Variants in TYMP observed in about 807,000 individuals in gnomAD.
TYMP encodes the protein thymidine phosphorylase.
TYMP carries 46 observed loss-of-function variants against 42.3 expected under a neutral mutation model. The ratio of observed to expected loss-of-function variants is 1.09; its 90% confidence interval spans 0.86 to 1.39. The LOEUF is 1.39. Among genes scored for constraint, TYMP ranks in the 40% most tolerant of loss-of-function variants. TYMP has a pLI of 0.00. For synonymous variants in TYMP, 363 were observed against 308.0 expected (o/e 1.18, Z -1.87); for missense variants, 837 against 677.6 (o/e 1.24, Z -2.61).
In TYMP at chr22:50,526,146, G is replaced by A. The variant is rs1209454912; in HGVS notation, c.1160-5C>T. On this transcript the variant is annotated splice_region_variant and splice_polypyrimidine_tract_variant and intron_variant, in intron 8 of 9. Transcript: ENST00000252029. ...CCCGGACCAGCTCCACGGTGCCTGC[G>A]GGGAGAGGGGCTGAGAGGCGCGGGC... 2.0e-6 allele frequency: 3 copies of A among 1,482,460 alleles called. 1 individual carries two copies. The highest frequency in any genetic ancestry group is 2.8e-5 in the East Asian group (1 of 35,750). The allele number at this position is 1,482,460 out of a possible 1,614,324, so 91.8% of individuals were successfully genotyped here. A position where few individuals can be genotyped will look rare whatever the true frequency, so the allele number is the denominator to read the frequency against.
Position 50,526,039 on chromosome 22 carries a change from G to T in TYMP, c.1262C>A (p.Ala421Glu). The change falls in exon 9 of 10, where the codon GCA (alanine) becomes GAA (glutamate). Residue 421 changes from alanine to glutamate, a missense_variant. By Grantham distance (107) the Ala-to-Glu change is moderately radical (BLOSUM62 -1). Coordinates refer to ENST00000252029, the MANE Select transcript of TYMP (RefSeq NM_001953.5). ...AGEPLRLGVG[A>E]ELLVDVGQRL... The stretch of plus-strand genomic sequence containing the variant: ...CTGACCCACGTCGACCAGCAGCTCT[G>T]CGCCCACCCCCAGGCGGAGCGGCTC... 1 of 1,479,180 alleles carries T rather than the reference G, an allele frequency of 6.8e-7. No individual in the cohort carries two copies. Among genetic ancestry groups the T allele is most frequent in the Non-Finnish European group, 8.9e-7 (1 of 1,122,450 alleles). The allele number at this position is 1,479,180 out of a possible 1,614,324, so 91.6% of individuals were successfully genotyped here.
rs754924121 is a variant in TYMP at position 50,525,892 on chromosome 22, C to T, written c.1327G>A (p.Asp443Asn). The change falls in exon 10 of 10, where the codon GAC (aspartate) becomes AAC (asparagine). Residue 443 changes from aspartate to asparagine, a missense_variant. By Grantham distance (23) the Asp-to-Asn change is conservative. Transcript: ENST00000252029. ...TGCGGGCCGCTGAGCGCGGGGCCGTCCCGGTGCACGCGGAGCCAGGGGGTC... is the reference window on the plus strand; with the variant it reads ...TGCGGGCCGCTGAGCGCGGGGCCGTTCCGGTGCACGCGGAGCCAGGGGGTC... ...RGTPWLRVHR[D>N]GPALSGPQSR... 7.0e-6 allele frequency: 11 copies of T among 1,570,052 alleles called. No individual in the cohort carries two copies. The highest frequency in any genetic ancestry group is 2.8e-5 in the African/African-American group (2 of 72,604).
In TYMP at chr22:50,526,235, C is replaced by T. The variant is rs747478170; in HGVS notation, c.1159+11G>A. 47 of 1,530,026 alleles carry T rather than the reference C, an allele frequency of 3.1e-5. 2 individuals are homozygous for T. In the South Asian group the frequency reaches 4.0e-4, roughly 13 times the overall value. 94.8% of individuals were successfully genotyped at this position (1,530,026 alleles called of 1,614,324 possible). On this transcript the variant is annotated intron_variant, in intron 8 of 9. Transcript: ENST00000252029. ...CGGAGGCGGAAGGACGGGGACTCCC[C>T]CGACGCTCACCATCTGCGGGCGCCA...
At chr22:50,527,329 C>T (rs1240801594) in intron 5 of TYMP, 46 bp from the exon 6 acceptor site, 1 of 1,521,294 alleles carries the variant, frequency 6.6e-7, no homozygotes, top group Admixed American at 1.7e-5. Flanking sequence ...GAACCTGGAG[C>T]TTCTTGGGAG....
chr22:50,526,192 G>A, intron 8 of TYMP, 51 bp from the exon 9 acceptor site: 1 of 1,478,990 alleles, frequency 6.8e-7, no homozygotes, highest in Non-Finnish European at 8.9e-7. Flanking sequence ...GCGGGGCCTC[G>A]GGAAGGGAAG....
rs776611679 is a variant in TYMP at position 50,527,677 on chromosome 22, C to T, written c.557G>A (p.Gly186Asp). 8.1e-6 allele frequency: 13 copies of T among 1,613,944 alleles called. No individual in the cohort carries two copies. Among genetic ancestry groups the T allele is most frequent in the Non-Finnish European group, 1.1e-5 (13 of 1,180,030 alleles). Residue 186 changes from glycine (G) to aspartate (D), a missense_variant, in exon 5 of 10, where the codon GGT (glycine) becomes GAT (aspartate). Transcript: ENST00000252029. ...LLDQAGCCIV[G>D]QSEQLVPADG... Reference sequence around the variant, plus strand: ...CGCAGGAACCAGCTGCTCACTCTGACCCACGATACAGCAGCCCGCCTGGTC... The same window carrying T: ...CGCAGGAACCAGCTGCTCACTCTGATCCACGATACAGCAGCCCGCCTGGTC...
In TYMP at chr22:50,526,714, G is replaced by T; in HGVS notation, c.790C>A (p.Leu264Ile). The T allele has an allele frequency of 1.3e-6, 2 of 1,538,656 alleles. No individual in the cohort carries two copies. Among genetic ancestry groups the T allele is most frequent in the Non-Finnish European group, 1.7e-6 (2 of 1,147,136 alleles). Residue 264 changes from leucine (L) to isoleucine (I), a missense_variant, in exon 7 of 10, where the codon CTT becomes ATT. Transcript: ENST00000252029. Reference protein sequence around the residue: ...TLVGVGASLGLRVAAALTAMD... With the variant: ...TLVGVGASLGIRVAAALTAMD... ...GCGGTCAGCGCTGCCGCGACCCGAA[G>T]CCCTAGGCTGGCTCCCACGCCAACC...
chr22:50,527,288 G>A lies in TYMP; in HGVS notation c.647-5C>T, dbSNP rs760886129. 1 of 1,607,132 alleles carries A rather than the reference G, an allele frequency of 6.2e-7. No individual in the cohort carries two copies. Reference sequence around the variant, plus strand: ...GTTTCTTACTGAGAATGGAGGCTTTGGGGGAGGCAGAGGAGGTTGGAGACA... The same window carrying A: ...GTTTCTTACTGAGAATGGAGGCTTTAGGGGAGGCAGAGGAGGTTGGAGACA... On this transcript the variant is annotated splice_polypyrimidine_tract_variant and splice_region_variant and intron_variant, in intron 5 of 9. Coordinates refer to ENST00000252029, the MANE Select transcript of TYMP (RefSeq NM_001953.5).
chr22:50,527,478 A>G, intron 5 of TYMP, 110 bp downstream of exon 5: 1 of 1,540,522 alleles, frequency 6.5e-7, no homozygotes, highest in Non-Finnish European at 9.0e-7. Context: ...TGATGGGGGT[A>G]GGGGGGCACA....
chr22:50,529,165 C>G lies in TYMP; in HGVS notation c.388G>C (p.Ala130Pro), dbSNP rs1055509931. 1.2e-6 allele frequency: 2 copies of G among 1,613,202 alleles called. No individual in the cohort carries two copies. The highest frequency in any genetic ancestry group is 1.3e-5 in the African/African-American group (1 of 75,038). ...CAGCCACATGCCGCCAGGGCAGGTGCGAGGACCAGGCTGACCTTGTCACCC... is the reference window on the plus strand; with the variant it reads ...CAGCCACATGCCGCCAGGGCAGGTGGGAGGACCAGGCTGACCTTGTCACCC... Reference protein sequence around the residue: ...GVGDKVSLVLAPALAACGCKV... With the variant: ...GVGDKVSLVLPPALAACGCKV... The change falls in exon 3 of 10, where the codon GCA becomes CCA. Residue 130 changes from alanine to proline, a missense_variant. Ala to Pro is a conservative substitution (Grantham distance 27). Coordinates refer to ENST00000252029, the MANE Select transcript of TYMP (RefSeq NM_001953.5).
intron 4 of TYMP, chr22:50,528,299 C>A: frequency 1.6e-6 from 1 of 626,618 alleles, no homozygotes. Flanking sequence ...GCCACCGTGC[C>A]CCGCCAGCCA....
rs764518504 is a variant in TYMP, at chr22:50,525,961, G to C, written c.1300+40C>G. The C allele has an allele frequency of 3.1e-5, 43 of 1,395,214 alleles. No homozygotes were observed. The East Asian group carries it at 1.3e-3, about 41-fold the overall frequency. The allele number at this position is 1,395,214 out of a possible 1,614,324, so 86.4% of individuals were successfully genotyped here. A position where few individuals can be genotyped will look rare whatever the true frequency, so the allele number is the denominator to read the frequency against. On this transcript the variant is annotated intron_variant, in intron 9 of 9. Transcript: ENST00000252029. ...GTTAGAGGCCGCGCGGCCGGAGCTGGGCGGGGGTGCGGGGCCAGCAGGGCG... is the reference window on the plus strand; with the variant it reads ...GTTAGAGGCCGCGCGGCCGGAGCTGCGCGGGGGTGCGGGGCCAGCAGGGCG...
intron 4 of TYMP, chr22:50,528,204 C>CTT (rs2069465803): frequency 6.6e-6 from 3 of 451,592 alleles, no homozygotes; most frequent in Non-Finnish European, 1.2e-5. Context: ...GGGGTTTTGC[C>CTT]GTGTTATCCA....
chr22:50,526,209 G>A (rs1291903074), intron 8 of TYMP, 37 bp downstream of exon 8: 2 of 1,495,496 alleles, frequency 1.3e-6, no homozygotes, highest in African/African-American at 1.4e-5. Context: ...GAAGGGGATG[G>A]CGGAGGCGGA....
Position 50,529,949 on chromosome 22 carries a change from A to G in TYMP, c.-56T>C, listed in dbSNP as rs1025395522. Reference sequence around the variant, plus strand: ...GCCCGCTTGCTCCGGATCCCAGCCCAGGTACCCGGCCTCGCCCGCGGGTCG... The same window carrying G: ...GCCCGCTTGCTCCGGATCCCAGCCCGGGTACCCGGCCTCGCCCGCGGGTCG... On this transcript the variant is annotated 5_prime_UTR_variant, in exon 1 of 10. Coordinates refer to ENST00000252029, the MANE Select transcript of TYMP (RefSeq NM_001953.5). 3.4e-6 allele frequency: 2 copies of G among 583,230 alleles called. No homozygotes were observed. Among genetic ancestry groups the G allele is most frequent in the Non-Finnish European group, 6.1e-6 (2 of 327,362 alleles). 36.1% of individuals were successfully genotyped at this position (583,230 alleles called of 1,614,324 possible). A position where few individuals can be genotyped will look rare whatever the true frequency, so the allele number is the denominator to read the frequency against.
Position 50,529,579 on chromosome 22 carries a change from C to T in TYMP, c.131G>A (p.Arg44Gln), listed in dbSNP as rs28931613. 1 of 1,613,182 alleles carries T rather than the reference C, an allele frequency of 6.2e-7. No homozygotes were observed. The highest frequency in any genetic ancestry group is 8.5e-7 in the Non-Finnish European group (1 of 1,179,938). Residue 44 changes from arginine to glutamine, a missense_variant, in exon 2 of 10, where the codon CGA becomes CAA. Physicochemically the swap from Arg to Gln is conservative, Grantham distance 43 (BLOSUM62 1). Transcript: ENST00000252029. ...CGCTTCGCTCAGGCGGCCTCCGTCT[C>T]GCTTCATGCGGATCAGCTCCGGGAG... is the stretch of plus-strand genomic sequence containing the variant. The part of the protein sequence containing the change: ...KQLPELIRMK[R>Q]DGGRLSEADI...
chr22:50,527,058 G>A lies in TYMP; in HGVS notation c.765+107C>T, dbSNP rs1603441904. 4 of 926,518 alleles carry A rather than the reference G, an allele frequency of 4.3e-6. No homozygotes were observed. In the East Asian group the frequency reaches 9.6e-5, roughly 22 times the overall value. The allele number at this position is 926,518 out of a possible 1,614,324, so 57.4% of individuals were successfully genotyped here. On this transcript the variant is annotated intron_variant, in intron 6 of 9. Transcript: ENST00000252029. The stretch of plus-strand genomic sequence containing the variant: ...TTCGGGCAGAAGAGGGTGGGACTGG[G>A]GTTAGGCAGGACTGCTGAGTGGAGG...
At position 50,526,126 on chromosome 22, in the gene TYMP, A is replaced by C; in HGVS notation, c.1175T>G (p.Val392Gly). 1 of 1,488,660 alleles carries C rather than the reference A, an allele frequency of 6.7e-7. No homozygotes were observed. 92.2% of individuals were successfully genotyped at this position (1,488,660 alleles called of 1,614,324 possible). A position where few individuals can be genotyped will look rare whatever the true frequency, so the allele number is the denominator to read the frequency against. ...LAPADGTVEL[V>G]RALPLALVLH... ...CACCAGCGCCAGCGGCAGCGCCCGG[A>C]CCAGCTCCACGGTGCCTGCGGGGAG... is the stretch of plus-strand genomic sequence containing the variant. The change falls in exon 9 of 10, where the codon GTC becomes GGC. Residue 392 changes from valine (V) to glycine (G), a missense_variant. Transcript: ENST00000252029.
chr22:50,525,803 GGGCGAGGGGGCGGCGAAT>G lies in TYMP; in HGVS notation c.1398_1415del (p.Ala469_Ala474del). On this transcript the variant is annotated inframe_deletion, in exon 10 of 10. Transcript: ENST00000252029. The stretch of plus-strand genomic sequence containing the variant: ...GCGGCGGCAGAACGAGCTCTGCGAA[GGGCGAGGGGGCGGCGAAT>G]GGCGCGCGGTCGGAGAGTACGAGCG... 3.7e-6 allele frequency: 6 copies of G among 1,610,752 alleles called. No homozygotes were observed. The highest frequency in any genetic ancestry group is 5.1e-6 in the Non-Finnish European group (6 of 1,179,020).
Sources: allele counts gnomAD v4.1 joint callset, GRCh38; gene constraint gnomAD v4.1.1; transcripts MANE v1.5; gene names NCBI Gene and HGNC (gene_info 2026-07-23, HGNC 2026-07-21).